The following BIRC2 variants were observed in gnomAD, a reference collection of about 807,000 sequenced individuals.
BIRC2 encodes baculoviral IAP repeat-containing protein 2.
Under a neutral mutation model 60.9 loss-of-function variants are expected in BIRC2, and 18 were observed. The observed-to-expected ratio is 0.30, with a 90% CI of 0.20 to 0.44. The LOEUF (loss-of-function observed/expected upper bound fraction) is 0.44. Among genes scored for constraint, BIRC2 ranks in the 20% least tolerant of loss-of-function variants. The probability of loss-of-function intolerance (pLI) is 1.00; values close to 1 mark genes in which losing one functional copy is unlikely to be tolerated. For missense variants in BIRC2, 701 were observed against 728.5 expected (o/e 0.96, Z 0.43); for synonymous variants, 282 against 247.7 (o/e 1.14, Z -1.30).
chr11:102,377,610 A>G lies in BIRC2; in HGVS notation c.1481A>G (p.Asp494Gly), dbSNP rs199507990. The change falls in exon 7 of 9, where the codon GAT becomes GGT. Residue 494 changes from aspartate to glycine, a missense_variant. Asp to Gly is a moderately conservative substitution (Grantham distance 94). Transcript: ENST00000227758. ...AATGTAATTAATAAACAGGAACATG[A>G]TATTATTAAACAAAAAACACAGATA... ...KANVINKQEH[D>G]IIKQKTQIPL... is the part of the protein sequence containing the mutation. 6.2e-7 allele frequency: 1 copy of G among 1,612,144 alleles called. No individual in the cohort carries two copies. Among genetic ancestry groups the G allele is most frequent in the Non-Finnish European group, 8.5e-7 (1 of 1,179,336 alleles).
chr11:102,354,969 ATTGAG>A (rs1324899555), intron 3 of BIRC2, among the ~76,000 whole-genome samples: 1 of 63,446 alleles, frequency 1.6e-5, no homozygotes, highest in Non-Finnish European at 3.1e-5. Flanking sequence ...TTTTTTTGCT[ATTGAG>A]TTGTATAAGT....
chr11:102,351,060 G>T (rs1172325807), intron 3 of BIRC2, 117 bp downstream of exon 3: 3 of 881,412 alleles, frequency 3.4e-6, no homozygotes, highest in Admixed American at 2.4e-5. Context: ...TGCCATTGGG[G>T]AATTATCCTT....
At chr11:102,370,500 G>A (rs2135820338) in intron 6 of BIRC2, among the ~76,000 whole-genome samples, 1 of 145,106 alleles carries the variant, frequency 6.9e-6, no homozygotes, top group Admixed American at 6.8e-5. Flanking sequence ...ATTTCTGAGG[G>A]CTCTGTTCTG....
At chr11:102,358,716 T>C (rs927413729) in intron 3 of BIRC2, among the ~76,000 whole-genome samples, 1 of 152,236 alleles carries the variant, frequency 6.6e-6, no homozygotes, top group Non-Finnish European at 1.5e-5. Flanking sequence ...TTTCTCATTA[T>C]ATAATTACTT....
At chr11:102,357,407 A>G (rs1367091449) in intron 3 of BIRC2, among the ~76,000 whole-genome samples, 2 of 150,022 alleles carry the variant, frequency 1.3e-5, no homozygotes, top group African/African-American at 4.9e-5. Flanking sequence ...CTGTGCTATG[A>G]GGTCATCTGT....
chr11:102,364,586 A>G (rs548038825), intron 5 of BIRC2, among the ~76,000 whole-genome samples: 2 of 152,320 alleles, frequency 1.3e-5, no homozygotes, highest in South Asian at 4.1e-4. Context: ...TATTGTGTCT[A>G]AAATGGCTAA....
chr11:102,364,234 G>T (rs1951527412), intron 5 of BIRC2, among the ~76,000 whole-genome samples: 1 of 142,026 alleles, frequency 7.0e-6, no homozygotes. Flanking sequence ...ACACTGTGGA[G>T]GACCCTAAAA....
chr11:102,360,008 C>T (rs188386897), intron 3 of BIRC2, among the ~76,000 whole-genome samples: 20 of 151,406 alleles, frequency 1.3e-4, no homozygotes, highest in Admixed American at 1.2e-3. Context: ...GTTCTGTCAC[C>T]CAGGCTGGAG....
chr11:102,377,901 A>G lies in BIRC2; in HGVS notation c.1663+3A>G. On this transcript the variant is annotated splice_donor_region_variant and intron_variant, in intron 8 of 8. Transcript: ENST00000227758. The stretch of plus-strand genomic sequence containing the variant: ...TATTCCAACAGAAGATGTTTCAGGT[A>G]AAACAAAGATTTAAAACCAACATGA... 3 of 1,610,284 alleles carry G rather than the reference A, an allele frequency of 1.9e-6. No homozygotes were observed. The highest frequency in any genetic ancestry group is 2.5e-6 in the Non-Finnish European group (3 of 1,178,804).
intron 6 of BIRC2, among the ~76,000 whole-genome samples, chr11:102,375,035 T>G (rs1416290780): frequency 6.6e-6 from 1 of 152,206 alleles, no homozygotes; most frequent in East Asian, 1.9e-4. Flanking sequence ...TTGCACACGG[T>G]GCGCGCACCC....
At chr11:102,363,199 TA>T (rs1183584243) in intron 4 of BIRC2, among the ~76,000 whole-genome samples, 1 of 152,206 alleles carries the variant, frequency 6.6e-6, no homozygotes, top group East Asian at 1.9e-4. Flanking sequence ...TTTACTTTTG[TA>T]ACCAACTTGA....
Position 102,354,111 on chromosome 11 carries a change from T to C in BIRC2, c.995+3168T>C, listed in dbSNP as rs543126563. On this transcript the variant is annotated intron_variant, in intron 3 of 8. Transcript: ENST00000227758. The stretch of plus-strand genomic sequence containing the variant: ...TAAATGGACATGTGCAGTTCAAACC[T>C]GTGTTGTTCAAGGGCCAGTTGTATT... Among the ~76,000 whole-genome samples the C allele has an allele frequency of 1.9e-3, 292 of 152,350 alleles. 1 individual carries two copies. Among genetic ancestry groups the C allele is most frequent in the African/African-American group, 6.4e-3 (267 of 41,586 alleles).
intron 6 of BIRC2, 143 bp downstream of exon 6, chr11:102,368,691 T>C: frequency 8.5e-7 from 1 of 1,173,856 alleles, no homozygotes; most frequent in Non-Finnish European, 1.2e-6. Context: ...TCCCTCCTTT[T>C]CTACCCCTTT....
chr11:102,372,168 T>G (rs1951640065), intron 6 of BIRC2, among the ~76,000 whole-genome samples: 1 of 152,244 alleles, frequency 6.6e-6, no homozygotes, highest in Non-Finnish European at 1.5e-5. Flanking sequence ...CTCTATTTCC[T>G]TCAGTTCTGC....
At position 102,368,532 on chromosome 11, in the gene BIRC2, T is replaced by A. The variant is rs751169125; in HGVS notation, c.1350T>A (p.Ala450=). The part of the protein sequence containing the change: ...EKREEEKEKQ[A]EEMASDDLSL... ...GAGAAGAGGAGAAGGAAAAACAAGCTGAAGAAATGGCATCAGGTATTTGGG... is the reference window on the plus strand; with the variant it reads ...GAGAAGAGGAGAAGGAAAAACAAGCAGAAGAAATGGCATCAGGTATTTGGG... Residue 450 remains alanine, a synonymous_variant, in exon 6 of 9, where the codon GCT becomes GCA. Coordinates refer to ENST00000227758, the MANE Select transcript of BIRC2 (RefSeq NM_001166.5). The A allele has an allele frequency of 3.7e-6, 6 of 1,613,224 alleles. No homozygotes were observed. In the Admixed American group the frequency reaches 1.0e-4, roughly 27 times the overall value.
intron 1 of BIRC2, chr11:102,347,949 T>G (rs1951311081): frequency 6.6e-6 from 1 of 152,328 alleles, no homozygotes; most frequent in African/African-American, 2.4e-5. Flanking sequence ...GATAAAAATC[T>G]TTCATTTAAA....
intron 6 of BIRC2, among the ~76,000 whole-genome samples, chr11:102,374,647 T>G (rs1359456540): frequency 3.3e-5 from 5 of 151,902 alleles, no homozygotes; most frequent in African/African-American, 9.7e-5. Context: ...CCCCCAGAGG[T>G]GGAGCCTACA....
chr11:102,352,538 G>A (rs529361292), intron 3 of BIRC2, among the ~76,000 whole-genome samples: 13 of 152,298 alleles, frequency 8.5e-5, no homozygotes, highest in African/African-American at 2.9e-4. Flanking sequence ...AGCCTCCTGA[G>A]TAGCTGGGAT....
chr11:102,372,608 AGGTGT>A (rs1189369274), intron 6 of BIRC2, among the ~76,000 whole-genome samples: 1 of 145,882 alleles, frequency 6.9e-6, no homozygotes, highest in Non-Finnish European at 1.5e-5. Flanking sequence ...ATTTTGGAAT[AGGTGT>A]GGTGTGGTGC....
Sources: allele counts gnomAD v4.1 joint callset (sites outside exome capture counted in the v4.1 genomes callset), GRCh38; gene constraint gnomAD v4.1.1; transcripts MANE v1.5; gene names NCBI Gene and HGNC (gene_info 2026-07-23, HGNC 2026-07-21).